Variants in XKRX observed in about 807,000 individuals in gnomAD.
XKRX encodes the protein XK related X-linked.
Under a neutral mutation model 22.4 loss-of-function variants are expected in XKRX, and 11 were observed. The ratio of observed to expected loss-of-function variants is 0.49; its 90% CI spans 0.31 to 0.81. XKRX has a LOEUF of 0.81. XKRX is among the 40% of genes least tolerant of loss of function. The pLI, the probability that XKRX is intolerant of heterozygous loss-of-function variation, is 0.05. For missense variants in XKRX, 320 were observed against 336.5 expected, an observed-to-expected ratio of 0.95 and a Z score of 0.38; for synonymous variants, 114 against 132.2, an observed-to-expected ratio of 0.86 and a Z score of 0.94.
At chrX:100,897,302 C>T in the XKRX span, among the ~76,000 whole-genome samples, 1 of 110,096 alleles carries the variant, frequency 9.1e-6, no homozygotes. Flanking sequence ...ATATCTTTTT[C>T]GGCCAAATGC....
At chrX:100,958,324 T>G in the XKRX span, among the ~76,000 whole-genome samples, 1 of 112,382 alleles carries the variant, frequency 8.9e-6, no homozygotes, top group African/African-American at 3.2e-5. Context: ...GGATCCTAGC[T>G]GTGTCTGGGA....
At chrX:100,933,199 A>T (rs1320470489), upstream of XKRX, among the ~76,000 whole-genome samples, 1 of 110,082 alleles carries the variant, frequency 9.1e-6, no homozygotes, top group Non-Finnish European at 1.9e-5. Context: ...AAAGAAAAAA[A>T]GCCAGGCGCA....
chrX:100,894,191 C>T, the XKRX span, among the ~76,000 whole-genome samples: 10 of 111,472 alleles, frequency 9.0e-5, no homozygotes, highest in Admixed American at 2.9e-4. Context: ...TGCTTGAACC[C>T]GGCAGGGGGA....
In XKRX at chrX:100,928,751, G is replaced by A. The variant is rs1254070977; in HGVS notation, c.-447C>T. 1.3e-6 allele frequency: 1 copy of A among 762,929 alleles called. No homozygotes were observed. Among genetic ancestry groups the A allele is most frequent in the African/African-American group, 2.3e-5 (1 of 43,422 alleles). 62.9% of individuals were successfully genotyped at this position (762,929 alleles called of 1,213,427 possible). On this transcript the variant is annotated 5_prime_UTR_variant, in exon 1 of 3. Transcript: ENST00000372956. ...TCAGCAGCTCCTCACAAAGAGTCCT[G>A]ACCAGTGTGTCCTCTCAAGTCAGCG...
intron 2 of XKRX, among the ~76,000 whole-genome samples, chrX:100,920,190 G>A (rs1480307403): frequency 1.8e-5 from 2 of 108,321 alleles, no homozygotes; most frequent in Non-Finnish European, 3.8e-5. Context: ...TCCTTTTTGA[G>A]ACAATCAATA....
chrX:100,948,937 G>A, the XKRX span, among the ~76,000 whole-genome samples: 3 of 112,737 alleles, frequency 2.7e-5, no homozygotes, highest in African/African-American at 9.7e-5. Context: ...ATGAGTTGGT[G>A]CAAGTCATCC....
upstream of XKRX, among the ~76,000 whole-genome samples, chrX:100,930,318 T>TG (rs1453031165): frequency 1.4e-3 from 138 of 99,449 alleles, no homozygotes; most frequent in African/African-American, 4.8e-3. Flanking sequence ...ATAATAATAA[T>TG]AATAATAATG....
chrX:100,888,466 G>A, the XKRX span: 1 of 988,748 alleles, frequency 1.0e-6, no homozygotes, highest in East Asian at 3.1e-5. Context: ...TTACCGCACA[G>A]TCTGTGAGCA....
the XKRX span, among the ~76,000 whole-genome samples, chrX:100,951,909 A>T: frequency 1.8e-5 from 2 of 111,665 alleles, no homozygotes. Context: ...TAGTTTAAAA[A>T]TTCCTAAAAG....
chrX:100,910,225 C>T (rs1005219133), downstream of XKRX, among the ~76,000 whole-genome samples: 1 of 110,988 alleles, frequency 9.0e-6, no homozygotes, highest in Non-Finnish European at 1.9e-5. Context: ...ATTTTCTGGC[C>T]CTGTCTCTGC....
chrX:100,921,985 C>T (rs1157599099), intron 2 of XKRX, among the ~76,000 whole-genome samples: 2 of 108,665 alleles, frequency 1.8e-5, no homozygotes, highest in African/African-American at 3.4e-5. Context: ...AGGCGCCTGC[C>T]ACCACGCCCG....
At chrX:100,924,165 T>C (rs969985972) in intron 1 of XKRX, among the ~76,000 whole-genome samples, 2 of 109,689 alleles carry the variant, frequency 1.8e-5, no homozygotes, top group African/African-American at 6.7e-5. Context: ...TTCTGCTTTT[T>C]CAAGAAAGGG....
the XKRX span, among the ~76,000 whole-genome samples, chrX:100,892,673 G>T: frequency 8.9e-6 from 1 of 112,540 alleles, no homozygotes; most frequent in African/African-American, 3.2e-5. Flanking sequence ...AAACAGGAAA[G>T]ATAACAAGTG....
the XKRX span, among the ~76,000 whole-genome samples, chrX:100,890,033 G>A: frequency 2.7e-5 from 3 of 111,413 alleles, no homozygotes; most frequent in African/African-American, 9.8e-5. Context: ...GAAGTATGAG[G>A]CAACACATTT....
chrX:100,914,156 A>C lies in XKRX; in HGVS notation c.*182T>G. 1.9e-6 allele frequency: 1 copy of C among 524,720 alleles called. No homozygotes were observed. The highest frequency in any genetic ancestry group is 3.2e-5 in the Admixed American group (1 of 31,520). 43.2% of individuals were successfully genotyped at this position (524,720 alleles called of 1,213,427 possible). ...TAGTCGATACCCCCTGTTTCCAAACATAGTGGTAACTCTTAAGAAAATAAA... is the reference window on the plus strand; with the variant it reads ...TAGTCGATACCCCCTGTTTCCAAACCTAGTGGTAACTCTTAAGAAAATAAA... On this transcript the variant is annotated 3_prime_UTR_variant, in exon 3 of 3. Coordinates refer to ENST00000372956, the MANE Select transcript of XKRX (RefSeq NM_212559.3).
the XKRX span, chrX:100,887,984 A>G: frequency 1.9e-6 from 2 of 1,066,346 alleles, no homozygotes; most frequent in Non-Finnish European, 2.6e-6. Flanking sequence ...CTCCACAACC[A>G]CCACCAAAGT....
chrX:100,893,731 A>AT, the XKRX span, among the ~76,000 whole-genome samples: 2 of 112,103 alleles, frequency 1.8e-5, no homozygotes, highest in Non-Finnish European at 3.8e-5. Context: ...CAAATAGTGC[A>AT]TGTTCTCACT....
At chrX:100,899,208 C>T in the XKRX span, among the ~76,000 whole-genome samples, 1 of 112,904 alleles carries the variant, frequency 8.9e-6, no homozygotes, top group Non-Finnish European at 1.9e-5. Flanking sequence ...TTTAAATAAA[C>T]TGTCTTAAGA....
At chrX:100,922,708 G>A in intron 2 of XKRX, 85 bp downstream of exon 2, 2 of 968,991 alleles carry the variant, frequency 2.1e-6, no homozygotes, top group Non-Finnish European at 2.8e-6. Flanking sequence ...CATGAAGCTA[G>A]TGGCCAGTTT....
Sources: allele counts gnomAD v4.1 joint callset (sites outside exome capture counted in the v4.1 genomes callset), GRCh38; gene constraint gnomAD v4.1.1; transcripts MANE v1.5; gene names NCBI Gene and HGNC (gene_info 2026-07-23, HGNC 2026-07-21).